The following CFAP77 variants were observed in gnomAD, a reference collection of about 807,000 sequenced individuals.
CFAP77 encodes the protein cilia and flagella associated protein 77.
A neutral mutation model predicts 31.1 loss-of-function variants in CFAP77; 25 were observed. The observed-to-expected ratio is 0.80, with a 90% CI of 0.59 to 1.12. The LOEUF is 1.12. Among genes scored for constraint, CFAP77 ranks in the 50% most tolerant of loss-of-function variants. The pLI, the probability that CFAP77 is intolerant of heterozygous loss-of-function variation, is 0.00. For missense variants in CFAP77, 377 were observed against 397.3 expected (o/e 0.95, Z 0.44); for synonymous variants, 151 against 159.9 (o/e 0.94, Z 0.42).
chr9:132,502,411 G>T (rs1465305003), intron 3 of CFAP77, among the ~76,000 whole-genome samples: 5 of 151,834 alleles, frequency 3.3e-5, no homozygotes, highest in Admixed American at 2.6e-4. Context: ...CATTCACGTC[G>T]TTGTGTGACC....
chr9:132,492,984 G>T (rs180797585), intron 1 of CFAP77, among the ~76,000 whole-genome samples: 2 of 152,154 alleles, frequency 1.3e-5, no homozygotes, highest in Non-Finnish European at 2.9e-5. Flanking sequence ...CAGCCTGGGC[G>T]GACACAGCCA....
rs1402042845 is a variant in CFAP77 at position 132,497,281 on chromosome 9, G to C, written c.196-1414G>C. Among the ~76,000 whole-genome samples the C allele has an allele frequency of 6.6e-6, 1 of 152,164 alleles. No individual in the cohort carries two copies. The highest frequency in any genetic ancestry group is 2.4e-5 in the African/African-American group (1 of 41,434). On this transcript the variant is annotated intron_variant, in intron 1 of 5. Transcript: ENST00000393216. The surrounding 1 kb of genome is among the most constrained non-coding windows in gnomAD (Gnocchi z 4.9). Reference sequence around the variant, plus strand: ...CACGCTGGGTGGTCCTTGACCATCTGTCTACCTCTCAGCACCCAGCCTGTG... The same window carrying C: ...CACGCTGGGTGGTCCTTGACCATCTCTCTACCTCTCAGCACCCAGCCTGTG...
intron 1 of CFAP77, among the ~76,000 whole-genome samples, chr9:132,447,698 G>A (rs994283491): frequency 2.6e-5 from 4 of 152,208 alleles, no homozygotes; most frequent in African/African-American, 7.2e-5. Flanking sequence ...CGGCAAACGC[G>A]GGGACTTCAG....
At chr9:132,543,523 G>A (rs1477456746) in intron 5 of CFAP77, among the ~76,000 whole-genome samples, 1 of 152,188 alleles carries the variant, frequency 6.6e-6, no homozygotes, top group Non-Finnish European at 1.5e-5. Context: ...GTTCACCAGG[G>A]GAGGAGGCTG....
At chr9:132,483,194 C>T (rs1345917325) in intron 1 of CFAP77, among the ~76,000 whole-genome samples, 2 of 152,050 alleles carry the variant, frequency 1.3e-5, no homozygotes, top group African/African-American at 4.8e-5. Context: ...TCGCTTGAAC[C>T]CAGGAGGCAG....
At chr9:132,410,512 G>C (rs1307962009) in intron 1 of CFAP77, 46 bp downstream of exon 1, 1 of 1,478,974 alleles carries the variant, frequency 6.8e-7, no homozygotes, top group Non-Finnish European at 9.0e-7. Flanking sequence ...CCGGCTCCGG[G>C]CACCTGCGCC....
At position 132,495,161 on chromosome 9, in the gene CFAP77, G is replaced by T. The variant is rs1851722161; in HGVS notation, c.196-3534G>T. 6.6e-6 allele frequency among the ~76,000 whole-genome samples: 1 copy of T among 151,902 alleles called. No homozygotes were observed. Among genetic ancestry groups the T allele is most frequent in the African/African-American group, 2.4e-5 (1 of 41,234 alleles). On this transcript the variant is annotated intron_variant, in intron 1 of 5. Coordinates refer to ENST00000393216, the MANE Select transcript of CFAP77 (RefSeq NM_001282957.2). This position sits in a 1 kb window ranked among gnomAD's most constrained non-coding sequence, Gnocchi z 4.2. ...CAAAATAAATATTTGTGGAATGAAA[G>T]TATGAGCAAACCTCCCATTGGGATT...
chr9:132,454,742 C>T (rs1041065167), intron 1 of CFAP77, among the ~76,000 whole-genome samples: 6 of 152,170 alleles, frequency 3.9e-5, no homozygotes, highest in African/African-American at 1.2e-4. Flanking sequence ...ATACCTATAA[C>T]GTAGCCAGGG....
chr9:132,542,725 G>A (rs917514854), intron 4 of CFAP77, among the ~76,000 whole-genome samples: 13 of 152,264 alleles, frequency 8.5e-5, no homozygotes, highest in African/African-American at 3.1e-4. Context: ...GTGTCCTGGG[G>A]TCCCACCCCC....
At chr9:132,431,474 A>G in intron 1 of CFAP77, among the ~76,000 whole-genome samples, 1 of 152,238 alleles carries the variant, frequency 6.6e-6, no homozygotes, top group Non-Finnish European at 1.5e-5. Context: ...TTTAAAGTGG[A>G]TGCTATGACT....
At chr9:132,559,188 C>T (rs1325769873) in intron 5 of CFAP77, among the ~76,000 whole-genome samples, 1 of 151,020 alleles carries the variant, frequency 6.6e-6, no homozygotes, top group Admixed American at 6.6e-5. Context: ...ACTAAAAATA[C>T]AAAAAAATTA....
At position 132,486,041 on chromosome 9, in the gene CFAP77, TGTA is replaced by T. The variant is rs1564223105; in HGVS notation, c.196-12653_196-12651del. On this transcript the variant is annotated intron_variant, in intron 1 of 5. Coordinates refer to ENST00000393216, the MANE Select transcript of CFAP77 (RefSeq NM_001282957.2). ...ATATATATATATATATATATATATA[TGTA>T]TGTATATGTATGTGTGTGTGTGTAT... Among the ~76,000 whole-genome samples the T allele has an allele frequency of 2.3e-3, 93 of 39,702 alleles. 13 individuals carry two copies. The highest frequency in any genetic ancestry group is 0.019 in the Middle Eastern group (2 of 106). The allele number at this position is 39,702 out of a possible 152,430, so 26.0% of individuals were successfully genotyped here. A position where few individuals can be genotyped will look rare whatever the true frequency, so the allele number is the denominator to read the frequency against.
chr9:132,524,281 T>C (rs1589906073), intron 3 of CFAP77, among the ~76,000 whole-genome samples: 1 of 151,992 alleles, frequency 6.6e-6, no homozygotes, highest in Non-Finnish European at 1.5e-5. Context: ...ATAGTTTCTA[T>C]AGGACAATTG....
At chr9:132,508,503 GTCC>G (rs1366761843) in intron 3 of CFAP77, among the ~76,000 whole-genome samples, 1 of 152,096 alleles carries the variant, frequency 6.6e-6, no homozygotes, top group African/African-American at 2.4e-5. Flanking sequence ...AAGAGATGAG[GTCC>G]TCCTAGCTGG....
Position 132,554,939 on chromosome 9 carries a change from CCCAT to C in CFAP77, c.732+11939_732+11942del, listed in dbSNP as rs113226727. Among the ~76,000 whole-genome samples, 16,010 of 146,362 alleles carry C rather than the reference CCCAT, an allele frequency of 0.11. 894 individuals carry two copies. Among genetic ancestry groups the C allele is most frequent in the Middle Eastern group, 0.14 (40 of 286 alleles). On this transcript the variant is annotated intron_variant, in intron 5 of 5. Transcript: ENST00000393216. The surrounding 1 kb of genome is among the most constrained non-coding windows in gnomAD (Gnocchi z 4.1). ...ATGCATGCATGCATCCATCCATCCA[CCCAT>C]CCATCCATCCATCCATCCATCCATC...
At chr9:132,485,619 G>A (rs1415755387) in intron 1 of CFAP77, among the ~76,000 whole-genome samples, 6 of 152,180 alleles carry the variant, frequency 3.9e-5, no homozygotes, top group Non-Finnish European at 8.8e-5. Context: ...AGCAGCGGGA[G>A]CTGGCCGGCA....
At chr9:132,485,969 T>G (rs1851532548) in intron 1 of CFAP77, among the ~76,000 whole-genome samples, 1 of 118,142 alleles carries the variant, frequency 8.5e-6, no homozygotes, top group African/African-American at 3.4e-5. Flanking sequence ...GTGCTGGGAT[T>G]TGAGAACACA....
chr9:132,562,770 G>T (rs974857397), intron 5 of CFAP77, among the ~76,000 whole-genome samples: 5 of 151,888 alleles, frequency 3.3e-5, no homozygotes, highest in African/African-American at 9.7e-5. Context: ...CACAATCTCA[G>T]CTCACTGCAA....
chr9:132,491,126 T>C (rs1307482743), intron 1 of CFAP77, among the ~76,000 whole-genome samples: 1 of 152,052 alleles, frequency 6.6e-6, no homozygotes, highest in Non-Finnish European at 1.5e-5. Flanking sequence ...TGAACTGAAA[T>C]AAGTGGATTG....
Sources: gnomAD v4.1 joint callset for allele counts (sites outside exome capture counted in the v4.1 genomes callset) on GRCh38, gnomAD v4.1.1 for gene constraint, Gnocchi (gnomAD v3.1) non-coding constraint, MANE v1.5 for transcripts, NCBI Gene and HGNC (gene_info 2026-07-23, HGNC 2026-07-21) for gene names.